MAGI1: variants seen among roughly 807,000 people sequenced by gnomAD.
The protein encoded by MAGI1 is membrane-associated guanylate kinase, WW and PDZ domain-containing protein 1.
A neutral mutation model predicts 139.9 loss-of-function variants in MAGI1; 58 were observed. That is an observed-to-expected ratio of 0.41 (90% CI 0.34 to 0.52). The LOEUF (loss-of-function observed/expected upper bound fraction) is 0.52. MAGI1 is among the 20% of genes least tolerant of loss of function. MAGI1 has a pLI of 0.12. For missense variants in MAGI1, 1,874 were observed against 1,901.6 expected (o/e 0.99, Z 0.27); for synonymous variants, 812 against 737.9 (o/e 1.10, Z -1.63).
At chr3:65,703,726 C>T (rs2089774244) in intron 1 of MAGI1, among the ~76,000 whole-genome samples, 1 of 152,164 alleles carries the variant, frequency 6.6e-6, no homozygotes, top group Non-Finnish European at 1.5e-5. Flanking sequence ...CCAGATGCCT[C>T]CACCTCATTG....
At chr3:65,974,407 G>GTGGA (rs1243537570) in intron 1 of MAGI1, among the ~76,000 whole-genome samples, 9 of 67,986 alleles carry the variant, frequency 1.3e-4, no homozygotes, top group African/African-American at 4.9e-4. Context: ...GGGTGGATGG[G>GTGGA]TGGATGGATG....
intron 1 of MAGI1, among the ~76,000 whole-genome samples, chr3:65,907,940 C>A (rs1424013730): frequency 1.3e-5 from 2 of 152,216 alleles, no homozygotes; most frequent in African/African-American, 4.8e-5. Context: ...GGCTCCATCA[C>A]TCTCTGTGGA....
chr3:65,508,604 T>C (rs146841689), intron 2 of MAGI1, among the ~76,000 whole-genome samples: 217 of 152,262 alleles, frequency 1.4e-3, no homozygotes, highest in African/African-American at 4.9e-3. Flanking sequence ...TTTAAGCCTA[T>C]AGGATTCTCA....
chr3:65,699,441 G>A lies in MAGI1; in HGVS notation c.314-77353C>T, dbSNP rs912578513. On this transcript the variant is annotated intron_variant, in intron 1 of 22. Coordinates refer to ENST00000402939, the MANE Select transcript of MAGI1 (RefSeq NM_001033057.2). ...ACACACGCACACATATGTTTATTGC[G>A]GCATTATTCACAATAGCAAAGACTT... Among the ~76,000 whole-genome samples the A allele has an allele frequency of 1.7e-4, 25 of 146,828 alleles. No individual in the cohort carries two copies. The East Asian group carries it at 2.6e-3, about 16-fold the overall frequency.
intron 1 of MAGI1, among the ~76,000 whole-genome samples, chr3:65,860,567 G>A (rs2059523602): frequency 6.6e-6 from 1 of 152,180 alleles, no homozygotes; most frequent in South Asian, 2.1e-4. Flanking sequence ...GTGCTGCAGG[G>A]ATCTCTAACA....
chr3:65,777,030 C>A (rs975716469), intron 1 of MAGI1, among the ~76,000 whole-genome samples: 1 of 152,172 alleles, frequency 6.6e-6, no homozygotes, highest in Non-Finnish European at 1.5e-5. Context: ...GCACCTGGAA[C>A]ATAGCAGATG....
intron 1 of MAGI1, among the ~76,000 whole-genome samples, chr3:65,976,660 A>T (rs1266874726): frequency 3.9e-5 from 6 of 152,072 alleles, no homozygotes; most frequent in Admixed American, 2.6e-4. Flanking sequence ...CTTTCTCACT[A>T]ATGAGTTTGT....
At chr3:65,598,678 C>T (rs892036249) in intron 2 of MAGI1, among the ~76,000 whole-genome samples, 6 of 152,318 alleles carry the variant, frequency 3.9e-5, no homozygotes, top group South Asian at 2.1e-4. Flanking sequence ...TGCTTCTCTA[C>T]TGCTCACCTC....
intron 1 of MAGI1, among the ~76,000 whole-genome samples, chr3:65,776,157 T>C (rs559019655): frequency 6.6e-6 from 1 of 152,182 alleles, no homozygotes; most frequent in East Asian, 1.9e-4. Context: ...TCCTGTCTTC[T>C]ACATAGGTGG....
At chr3:65,784,919 G>A (rs947402623) in intron 1 of MAGI1, among the ~76,000 whole-genome samples, 1 of 152,172 alleles carries the variant, frequency 6.6e-6, no homozygotes, top group African/African-American at 2.4e-5. Flanking sequence ...AAATCTGTAA[G>A]AGATTTGTGG....
intron 1 of MAGI1, among the ~76,000 whole-genome samples, chr3:65,756,670 T>A (rs1442502717): frequency 6.6e-6 from 1 of 152,146 alleles, no homozygotes; most frequent in Admixed American, 6.5e-5. Context: ...GGTGCCACAG[T>A]CTCTTCCTGT....
intron 13 of MAGI1, among the ~76,000 whole-genome samples, chr3:65,396,788 G>A (rs1263034855): frequency 6.6e-6 from 1 of 152,194 alleles, no homozygotes; most frequent in Admixed American, 6.5e-5. Context: ...TCATTAAAGG[G>A]TGTGTGAAAA....
intron 8 of MAGI1, 29 bp from the exon 9 acceptor site, chr3:65,440,041 T>C: frequency 6.2e-7 from 1 of 1,612,648 alleles, no homozygotes; most frequent in Non-Finnish European, 8.5e-7. Flanking sequence ...AGTATTCAGC[T>C]TGAAACAGTT....
chr3:65,683,808 C>A (rs1474605943), intron 1 of MAGI1, among the ~76,000 whole-genome samples: 3 of 151,770 alleles, frequency 2.0e-5, no homozygotes, highest in Non-Finnish European at 4.4e-5. Flanking sequence ...CAAATGCTGG[C>A]AAGGATGTGA....
intron 1 of MAGI1, among the ~76,000 whole-genome samples, chr3:66,016,555 A>T (rs944778730): frequency 1.3e-5 from 2 of 152,218 alleles, no homozygotes; most frequent in Admixed American, 1.3e-4. Flanking sequence ...TACTCTGGCA[A>T]TATGTGCCCC....
chr3:66,018,341 T>C (rs2067779213), intron 1 of MAGI1, among the ~76,000 whole-genome samples: 1 of 152,196 alleles, frequency 6.6e-6, no homozygotes, highest in Non-Finnish European at 1.5e-5. Context: ...CATACTCTAG[T>C]ACCCCAGAGG....
chr3:65,899,843 C>G (rs7620067), intron 1 of MAGI1, among the ~76,000 whole-genome samples: 109 of 152,234 alleles, frequency 7.2e-4, no homozygotes, highest in African/African-American at 2.5e-3. Flanking sequence ...AAAATAAACC[C>G]TTCCTGATGC....
intron 1 of MAGI1, among the ~76,000 whole-genome samples, chr3:65,627,274 G>T (rs1039322806): frequency 2.0e-5 from 3 of 152,050 alleles, no homozygotes; most frequent in African/African-American, 7.2e-5. Flanking sequence ...CTAGGTTTAT[G>T]TAAGTGCACT....
intron 1 of MAGI1, among the ~76,000 whole-genome samples, chr3:65,678,682 G>A (rs1342280726): frequency 6.6e-6 from 1 of 152,128 alleles, no homozygotes; most frequent in East Asian, 1.9e-4. Context: ...GAAGCCCAGA[G>A]CCGTCCTTTC....
Sources: allele counts gnomAD v4.1 joint callset (sites outside exome capture counted in the v4.1 genomes callset), GRCh38; gene constraint gnomAD v4.1.1; transcripts MANE v1.5; gene names NCBI Gene and HGNC (gene_info 2026-07-23, HGNC 2026-07-21).